The following NAA15 variants were observed in gnomAD, a reference collection of about 807,000 sequenced individuals.
The protein encoded by NAA15 is N-alpha-acetyltransferase 15, NatA auxiliary subunit.
A neutral mutation model predicts 114.0 loss-of-function variants in NAA15; 34 were observed. The observed-to-expected ratio is 0.30, with a 90% CI of 0.23 to 0.40. The LOEUF is 0.40. Ranked by LOEUF, NAA15 falls within the 10% of genes least tolerant of loss-of-function variation. The pLI, the probability that NAA15 is intolerant of heterozygous loss-of-function variation, is 1.00. For synonymous variants in NAA15, 340 were observed against 338.0 expected, an observed-to-expected ratio of 1.01 and a Z score of -0.06; for missense variants, 658 against 1,004.5, an observed-to-expected ratio of 0.66 and a Z score of 4.66.
chr4:139,370,081 A>G, intron 14 of NAA15, 130 bp from the exon 15 acceptor site: 2 of 711,014 alleles, frequency 2.8e-6, no homozygotes, highest in Non-Finnish European at 4.2e-6. Context: ...CTGGGATTAT[A>G]GGCATGAGAC....
At chr4:139,315,124 G>A (rs894729547) in intron 1 of NAA15, among the ~76,000 whole-genome samples, 3 of 151,064 alleles carry the variant, frequency 2.0e-5, no homozygotes, top group South Asian at 4.2e-4. Context: ...GTGCAGTGGC[G>A]CGATCCCGGC....
At position 139,311,374 on chromosome 4, in the gene NAA15, GAA is replaced by G. The variant is rs34363609; in HGVS notation, c.54+9547_54+9548del. On this transcript the variant is annotated intron_variant, in intron 1 of 19. Coordinates refer to ENST00000296543, the MANE Select transcript of NAA15 (RefSeq NM_057175.5). ...AAAATAGTGATTACAGGGCAAGAGA[GAA>G]AAAGATCTTTGGATTGTGTGCTTGC... 2.7e-5 allele frequency among the ~76,000 whole-genome samples: 4 copies of G among 148,102 alleles called. 1 individual carries two copies. The highest frequency in any genetic ancestry group is 6.0e-5 in the Non-Finnish European group (4 of 67,190).
intron 13 of NAA15, 103 bp from the exon 14 acceptor site, chr4:139,361,621 G>GT (rs1401276516): frequency 8.5e-6 from 6 of 706,088 alleles, no homozygotes; most frequent in South Asian, 4.7e-5. Context: ...AATTTTACTA[G>GT]TTTTTTTCAT....
chr4:139,349,342 A>C (rs575677370), intron 6 of NAA15, 120 bp from the exon 7 acceptor site: 5 of 823,128 alleles, frequency 6.1e-6, no homozygotes, highest in Non-Finnish European at 1.8e-6. Context: ...AACCAGGTCC[A>C]TCCACTTAGC....
At chr4:139,311,984 G>A (rs1018874610) in intron 1 of NAA15, among the ~76,000 whole-genome samples, 3 of 151,542 alleles carry the variant, frequency 2.0e-5, no homozygotes, top group African/African-American at 7.3e-5. Flanking sequence ...AAAAATTTGA[G>A]GGAAAGTAAT....
intron 14 of NAA15, among the ~76,000 whole-genome samples, chr4:139,368,581 C>T (rs1748348370): frequency 6.6e-6 from 1 of 152,136 alleles, no homozygotes; most frequent in Non-Finnish European, 1.5e-5. Context: ...GAGCTGGTTT[C>T]CTCTGAATGA....
At chr4:139,376,642 A>G (rs977668283) in intron 16 of NAA15, among the ~76,000 whole-genome samples, 169 bp downstream of exon 16, 1 of 152,206 alleles carries the variant, frequency 6.6e-6, no homozygotes, top group African/African-American at 2.4e-5. Flanking sequence ...ATATAATGAT[A>G]TAATCACTTC....
At position 139,344,071 on chromosome 4, in the gene NAA15, GTT is replaced by G. The variant is rs1747498259; in HGVS notation, c.538-112_538-111del. ...ATACTTAAGAATTTTTTAAAAATTA[GTT>G]TTATCAACCGGATGTTATCCTTTGA... On this transcript the variant is annotated intron_variant, in intron 5 of 19. Coordinates refer to ENST00000296543, the MANE Select transcript of NAA15 (RefSeq NM_057175.5). The G allele has an allele frequency of 8.1e-6, 7 of 866,344 alleles. No homozygotes were observed. The Admixed American group carries it at 1.5e-4, about 19-fold the overall frequency. The allele number at this position is 866,344 out of a possible 1,614,324, so 53.7% of individuals were successfully genotyped here.
intron 6 of NAA15, among the ~76,000 whole-genome samples, chr4:139,348,602 C>T (rs560563998): frequency 9.1e-4 from 138 of 152,174 alleles, no homozygotes; most frequent in African/African-American, 3.2e-3. Flanking sequence ...TGAAGGGAAG[C>T]ACATTAAGGA....
At chr4:139,301,920 C>G in intron 1 of NAA15, 89 bp downstream of exon 1, 1 of 1,384,030 alleles carries the variant, frequency 7.2e-7, no homozygotes, top group Non-Finnish European at 9.9e-7. Context: ...GGGCACTGAG[C>G]CACTCCCGCC....
intron 1 of NAA15, among the ~76,000 whole-genome samples, chr4:139,332,616 T>C (rs1243271814): frequency 8.1e-6 from 1 of 123,694 alleles, no homozygotes; most frequent in South Asian, 3.0e-4. Context: ...GGAGTCTCAC[T>C]CTGTTGCCCA....
intron 7 of NAA15, among the ~76,000 whole-genome samples, chr4:139,350,063 C>G (rs1207241195): frequency 6.6e-6 from 1 of 152,110 alleles, no homozygotes; most frequent in Non-Finnish European, 1.5e-5. Context: ...TCTGAAACCT[C>G]TCTTTTATAG....
chr4:139,341,036 A>C lies in NAA15; in HGVS notation c.369A>C (p.Leu123=). 6.3e-7 allele frequency: 1 copy of C among 1,592,144 alleles called. No individual in the cohort carries two copies. Among genetic ancestry groups the C allele is most frequent in the South Asian group, 1.2e-5 (1 of 85,136 alleles). ...AAATCTTAAGGGACCTTTCCTTACTACAGATTCAAATGCGAGATCTTGAGG... is the reference window on the plus strand; with the variant it reads ...AAATCTTAAGGGACCTTTCCTTACTCCAGATTCAAATGCGAGATCTTGAGG... ...NLQILRDLSL[L]QIQMRDLEGY... The change falls in exon 4 of 20, where the codon CTA becomes CTC. Residue 123 remains leucine, a synonymous_variant. Transcript: ENST00000296543.
chr4:139,372,476 G>A (rs935598294), intron 15 of NAA15, among the ~76,000 whole-genome samples: 7 of 152,114 alleles, frequency 4.6e-5, no homozygotes, highest in Non-Finnish European at 8.8e-5. Context: ...CTTAGTGCAA[G>A]GTACCCTTTT....
intron 1 of NAA15, among the ~76,000 whole-genome samples, chr4:139,303,842 G>A (rs1177823423): frequency 1.3e-5 from 2 of 152,236 alleles, no homozygotes; most frequent in African/African-American, 4.8e-5. Flanking sequence ...ACATCGTCTT[G>A]TATACTTATA....
chr4:139,343,998 A>G (rs1171183008), intron 5 of NAA15, among the ~76,000 whole-genome samples, 188 bp from the exon 6 acceptor site: 1 of 152,130 alleles, frequency 6.6e-6, no homozygotes, highest in Non-Finnish European at 1.5e-5. Context: ...TATTTTATTC[A>G]ACCTGTTATA....
At chr4:139,359,058 T>C (rs1186661505) in intron 11 of NAA15, among the ~76,000 whole-genome samples, 3 of 151,474 alleles carry the variant, frequency 2.0e-5, no homozygotes, top group Non-Finnish European at 4.4e-5. Context: ...TGAGCCAAGA[T>C]TGTGCCACTG....
chr4:139,372,735 C>T (rs1268518611), intron 15 of NAA15, among the ~76,000 whole-genome samples: 1 of 149,932 alleles, frequency 6.7e-6, no homozygotes, highest in Non-Finnish European at 1.5e-5. Context: ...CTTCAACCCC[C>T]CCTTTTTTTG....
At chr4:139,360,681 G>A in intron 13 of NAA15, 53 bp downstream of exon 13, 1 of 1,455,672 alleles carries the variant, frequency 6.9e-7, no homozygotes, top group Non-Finnish European at 9.1e-7. Flanking sequence ...GATGGTTTTG[G>A]ACAAATTTCA....
Sources: gnomAD v4.1 joint callset for allele counts (sites outside exome capture counted in the v4.1 genomes callset) on GRCh38, gnomAD v4.1.1 for gene constraint, MANE v1.5 for transcripts, NCBI Gene and HGNC (gene_info 2026-07-23, HGNC 2026-07-21) for gene names.